The following CUX1 variants were observed in gnomAD, a reference collection of about 807,000 sequenced individuals.
The protein encoded by CUX1 is cut like homeobox 1.
In CUX1, 31 loss-of-function variants were observed where a neutral mutation model predicts 158.8. That is an observed-to-expected ratio of 0.20 (90% confidence interval 0.15 to 0.26). The LOEUF (loss-of-function observed/expected upper bound fraction) is 0.26, where lower values mean the gene tolerates loss of function less well. Among genes scored for constraint, CUX1 ranks in the 10% least tolerant of loss-of-function variants. CUX1 has a pLI of 1.00. For missense variants in CUX1, 1,589 were observed against 2,014.6 expected (o/e 0.79, Z 4.04); for synonymous variants, 879 against 862.1 (o/e 1.02, Z -0.34).
intron 10 of CUX1, among the ~76,000 whole-genome samples, chr7:102,174,742 G>A (rs143326577): frequency 3.9e-5 from 6 of 152,144 alleles, no homozygotes; most frequent in Admixed American, 1.3e-4. Context: ...TCAGGAGTTC[G>A]AGACCAGCCT....
At chr7:102,172,895 C>G (rs1450472522) in intron 10 of CUX1, among the ~76,000 whole-genome samples, 1 of 152,140 alleles carries the variant, frequency 6.6e-6, no homozygotes, top group African/African-American at 2.4e-5. Flanking sequence ...AACCCCATCT[C>G]TACAAAAATT....
intron 1 of CUX1, among the ~76,000 whole-genome samples, chr7:101,887,136 G>T (rs1015021794): frequency 1.3e-5 from 2 of 152,176 alleles, no homozygotes; most frequent in African/African-American, 4.8e-5. Flanking sequence ...GTTTTGCAGG[G>T]ACGGTTTGGA....
intron 8 of CUX1, among the ~76,000 whole-genome samples, chr7:102,143,347 C>T (rs1834666197): frequency 6.6e-6 from 1 of 152,206 alleles, no homozygotes; most frequent in African/African-American, 2.4e-5. Flanking sequence ...TAGCTCACTG[C>T]AGCCTCCAAC....
At chr7:102,063,043 G>A (rs1825108667) in intron 3 of CUX1, among the ~76,000 whole-genome samples, 1 of 152,020 alleles carries the variant, frequency 6.6e-6, no homozygotes, top group African/African-American at 2.4e-5. Context: ...CGGGGAGGTT[G>A]CAGTGAGCCA....
At chr7:102,270,960 C>T (rs781218551) in intron 14 of CUX1, among the ~76,000 whole-genome samples, 1 of 152,204 alleles carries the variant, frequency 6.6e-6, no homozygotes, top group Non-Finnish European at 1.5e-5. Flanking sequence ...TCCCTGGTGC[C>T]CACGGATGGT....
rs555271261 is a variant in CUX1, at chr7:101,831,959, C to A, written c.30+14290C>A. Among the ~76,000 whole-genome samples, 5 of 152,074 alleles carry A rather than the reference C, an allele frequency of 3.3e-5. No individual in the cohort carries two copies. The East Asian group carries it at 9.7e-4, about 29-fold the overall frequency. Reference sequence around the variant, plus strand: ...GGGGGGTCTCACTGTGTTGCCCAGGCTGGTCTTGAACTCCTGGCCTCAGGC... The same window carrying A: ...GGGGGGTCTCACTGTGTTGCCCAGGATGGTCTTGAACTCCTGGCCTCAGGC... On this transcript the variant is annotated intron_variant, in intron 1 of 23. Transcript: ENST00000292535.
chr7:102,133,770 C>T (rs1325842182), intron 8 of CUX1, among the ~76,000 whole-genome samples: 2 of 151,874 alleles, frequency 1.3e-5, no homozygotes, highest in African/African-American at 2.4e-5. Flanking sequence ...CCACCACACT[C>T]GGCCTAGAAA....
At chr7:102,091,667 T>A (rs1358223121) in intron 4 of CUX1, among the ~76,000 whole-genome samples, 1 of 152,128 alleles carries the variant, frequency 6.6e-6, no homozygotes, top group African/African-American at 2.4e-5. Context: ...GAAAATTATA[T>A]AGCTCATCTT....
chr7:102,147,977 AAAAT>A (rs545897009), intron 8 of CUX1, among the ~76,000 whole-genome samples: 7 of 152,258 alleles, frequency 4.6e-5, no homozygotes, highest in East Asian at 1.9e-4. Context: ...CTCCGTCTCA[AAAAT>A]AAATAAATAA....
chr7:101,945,539 G>A (rs985366529), intron 2 of CUX1, among the ~76,000 whole-genome samples: 2 of 152,180 alleles, frequency 1.3e-5, no homozygotes, highest in African/African-American at 4.8e-5. Flanking sequence ...CCAGGTGCCG[G>A]GGAGGCAGGT....
intron 1 of CUX1, among the ~76,000 whole-genome samples, chr7:101,867,109 C>T (rs543802107): frequency 3.3e-5 from 5 of 152,104 alleles, no homozygotes; most frequent in South Asian, 2.1e-4. Flanking sequence ...CCCACCTACC[C>T]GGGAGGCTGA....
intron 4 of CUX1, among the ~76,000 whole-genome samples, chr7:102,092,929 A>AG (rs1365493113): frequency 1.8e-5 from 2 of 108,228 alleles, no homozygotes; most frequent in Admixed American, 8.5e-5. Flanking sequence ...AAAAAAAAAA[A>AG]AAAGAAAGAA....
At chr7:101,846,977 T>TA (rs1358418895) in intron 1 of CUX1, among the ~76,000 whole-genome samples, 5 of 151,686 alleles carry the variant, frequency 3.3e-5, no homozygotes, top group African/African-American at 1.2e-4. Flanking sequence ...ACAAAAAAAT[T>TA]TAAAAAATTA....
chr7:102,043,455 G>A (rs192447519), intron 3 of CUX1, among the ~76,000 whole-genome samples: 12 of 151,348 alleles, frequency 7.9e-5, no homozygotes, highest in African/African-American at 2.9e-4. Context: ...GCTGTACCTT[G>A]GAAAAGAAAA....
intron 5 of CUX1, among the ~76,000 whole-genome samples, chr7:102,098,059 C>A (rs960473978): frequency 2.6e-5 from 4 of 152,210 alleles, no homozygotes; most frequent in Non-Finnish European, 2.9e-5. Flanking sequence ...TGGCTTTTCC[C>A]GTCAGGGAAG....
chr7:102,195,683 G>A, intron 14 of CUX1, 80 bp downstream of exon 14: 1 of 1,304,266 alleles, frequency 7.7e-7, no homozygotes, highest in Non-Finnish European at 1.1e-6. Flanking sequence ...GGTGAATCGT[G>A]AGTCTGGACA....
exon 23 of CUX1, chr7:102,283,303 T>A: frequency 1.8e-6 from 1 of 557,596 alleles, no homozygotes; most frequent in Non-Finnish European, 3.3e-6. Context: ...GAGCCCCCAA[T>A]GCCCGGCCAG....
At chr7:102,120,995 C>G (rs1554493271) in intron 8 of CUX1, among the ~76,000 whole-genome samples, 1 of 152,068 alleles carries the variant, frequency 6.6e-6, no homozygotes, top group Non-Finnish European at 1.5e-5. Context: ...CCTGGAAGTT[C>G]CAGCCTGTAG....
At chr7:102,220,292 C>T (rs1306505563) in intron 20 of CUX1, among the ~76,000 whole-genome samples, 1 of 152,152 alleles carries the variant, frequency 6.6e-6, no homozygotes, top group Non-Finnish European at 1.5e-5. Flanking sequence ...AACCGGGAGG[C>T]GGAGGTTGCA....
Sources: allele counts gnomAD v4.1 joint callset (sites outside exome capture counted in the v4.1 genomes callset), GRCh38; gene constraint gnomAD v4.1.1; transcripts MANE v1.5; gene names NCBI Gene and HGNC (gene_info 2026-07-23, HGNC 2026-07-21).